GLIS3: variants seen among roughly 807,000 people sequenced by gnomAD.
The protein encoded by GLIS3 is GLIS family zinc finger 3, also known as zinc finger protein GLIS3.
In GLIS3, 53 loss-of-function variants were observed where a neutral mutation model predicts 78.6. The ratio of observed to expected loss-of-function variants is 0.67; its 90% CI spans 0.54 to 0.85. The LOEUF (loss-of-function observed/expected upper bound fraction) is 0.85. Among genes scored for constraint, GLIS3 ranks in the 40% least tolerant of loss-of-function variants. GLIS3 has a pLI of 0.00. For missense variants in GLIS3, 1,703 were observed against 1,231.1 expected, an observed-to-expected ratio of 1.38 and a Z score of -5.74; for synonymous variants, 684 against 509.9, an observed-to-expected ratio of 1.34 and a Z score of -4.60.
intron 4 of GLIS3, among the ~76,000 whole-genome samples, chr9:4,306,522 C>T (rs886474522): frequency 1.3e-5 from 2 of 152,206 alleles, no homozygotes; most frequent in African/African-American, 2.4e-5. Context: ...TACTGGTTAA[C>T]AAATGTTGCC....
At chr9:4,261,316 G>C (rs1825504758) in intron 2 of GLIS3, among the ~76,000 whole-genome samples, 1 of 152,108 alleles carries the variant, frequency 6.6e-6, no homozygotes, top group Non-Finnish European at 1.5e-5. Flanking sequence ...CGTGGGACTT[G>C]ATACTCTGCC....
chr9:4,139,476 A>T (rs966765501), intron 2 of GLIS3, among the ~76,000 whole-genome samples: 2 of 152,194 alleles, frequency 1.3e-5, no homozygotes, highest in Non-Finnish European at 2.9e-5. Flanking sequence ...ACAACTGTTG[A>T]TATGTCTCTA....
the GLIS3 span, among the ~76,000 whole-genome samples, chr9:4,353,553 G>C: frequency 1.3e-5 from 2 of 152,244 alleles, no homozygotes; most frequent in East Asian, 1.9e-4. Context: ...CTTGTGTGTT[G>C]ACAGCAAAAC....
chr9:3,892,611 C>T lies in GLIS3; in HGVS notation c.2128+6080G>A, dbSNP rs185306916. On this transcript the variant is annotated intron_variant, in intron 7 of 10. Transcript: ENST00000381971. The stretch of plus-strand genomic sequence containing the variant: ...TTTGCTATTCTTAAGATTTTCAGTA[C>T]CCATACAAGTATAAAAAAGATGAAA... 7.3e-4 allele frequency among the ~76,000 whole-genome samples: 111 copies of T among 152,174 alleles called. 1 individual carries two copies. Among genetic ancestry groups the T allele is most frequent in the Non-Finnish European group, 1.2e-3 (85 of 68,006 alleles).
chr9:4,442,201 T>G, the GLIS3 span, among the ~76,000 whole-genome samples: 2 of 152,236 alleles, frequency 1.3e-5, no homozygotes, highest in African/African-American at 4.8e-5. Context: ...GCCCAGGAAT[T>G]TATCTATTCC....
intron 2 of GLIS3, among the ~76,000 whole-genome samples, chr9:4,328,286 G>A (rs915922168): frequency 6.6e-6 from 1 of 152,134 alleles, no homozygotes; most frequent in Non-Finnish European, 1.5e-5. Context: ...ATCATGCTGT[G>A]GCCCCTGAAG....
chr9:4,338,848 T>C (rs1442247633), intron 2 of GLIS3, among the ~76,000 whole-genome samples: 1 of 152,122 alleles, frequency 6.6e-6, no homozygotes, highest in Admixed American at 6.5e-5. Context: ...CTTATTTAAT[T>C]GGTTTGGGGT....
intron 6 of GLIS3, among the ~76,000 whole-genome samples, chr9:3,919,744 G>C (rs2130723041): frequency 6.6e-6 from 1 of 152,018 alleles, no homozygotes; most frequent in African/African-American, 2.4e-5. Flanking sequence ...CAGTTACCAA[G>C]AAAGGGGCTT....
chr9:4,165,706 T>C (rs1448945609), intron 2 of GLIS3, among the ~76,000 whole-genome samples: 1 of 152,188 alleles, frequency 6.6e-6, no homozygotes, highest in Non-Finnish European at 1.5e-5. Flanking sequence ...ATGATGTGCC[T>C]ATGCAGATAT....
At chr9:4,272,901 A>G (rs1025131779) in intron 2 of GLIS3, among the ~76,000 whole-genome samples, 2 of 152,242 alleles carry the variant, frequency 1.3e-5, no homozygotes, top group Non-Finnish European at 2.9e-5. Flanking sequence ...AAGTCTTGAC[A>G]GTGTCCTAGT....
the GLIS3 span, among the ~76,000 whole-genome samples, chr9:4,407,721 G>A: frequency 3.6e-4 from 55 of 152,222 alleles, no homozygotes; most frequent in African/African-American, 1.3e-3. Flanking sequence ...AGAATTTATC[G>A]AGTAATACCC....
chr9:4,257,657 T>C (rs1022772195), intron 2 of GLIS3, among the ~76,000 whole-genome samples: 9 of 151,848 alleles, frequency 5.9e-5, no homozygotes, highest in Admixed American at 1.3e-4. Context: ...CACTGCAAGC[T>C]CCGCCTCCCG....
chr9:3,857,132 T>C (rs567041769), intron 8 of GLIS3, among the ~76,000 whole-genome samples: 2 of 152,256 alleles, frequency 1.3e-5, no homozygotes, highest in East Asian at 3.9e-4. Context: ...TGACAGAATA[T>C]AGGGGAGAAA....
chr9:3,915,709 G>T (rs888499538), intron 6 of GLIS3, among the ~76,000 whole-genome samples: 1 of 152,174 alleles, frequency 6.6e-6, no homozygotes, highest in South Asian at 2.1e-4. Context: ...CCCCTGGAAA[G>T]ATGCTATTAC....
At chr9:3,886,890 G>A (rs1292653475) in intron 7 of GLIS3, among the ~76,000 whole-genome samples, 3 of 152,188 alleles carry the variant, frequency 2.0e-5, no homozygotes, top group African/African-American at 7.2e-5. Flanking sequence ...TCTTAGCCTT[G>A]CTGCCAATGA....
At chr9:4,019,896 C>A (rs1171401673) in intron 4 of GLIS3, among the ~76,000 whole-genome samples, 1 of 151,994 alleles carries the variant, frequency 6.6e-6, no homozygotes, top group Non-Finnish European at 1.5e-5. Context: ...CAGGTGCATG[C>A]CACTTAAAAA....
intron 7 of GLIS3, among the ~76,000 whole-genome samples, chr9:3,894,372 A>AGACT (rs1822674231): frequency 1.3e-5 from 2 of 152,180 alleles, no homozygotes; most frequent in African/African-American, 4.8e-5. Flanking sequence ...TTCTGAGAAC[A>AGACT]GACTATATGA....
chr9:3,849,860 G>T (rs938957266), intron 9 of GLIS3, among the ~76,000 whole-genome samples: 1 of 151,880 alleles, frequency 6.6e-6, no homozygotes, highest in Non-Finnish European at 1.5e-5. Flanking sequence ...AGTGAACATA[G>T]ATTGCGCCAC....
chr9:3,894,658 C>A (rs1379242534), intron 7 of GLIS3, among the ~76,000 whole-genome samples: 1 of 151,902 alleles, frequency 6.6e-6, no homozygotes, highest in African/African-American at 2.4e-5. Flanking sequence ...TTCAAATAAT[C>A]CTGCTCCAAA....
Sources: gnomAD v4.1 joint callset for allele counts (sites outside exome capture counted in the v4.1 genomes callset) on GRCh38, gnomAD v4.1.1 for gene constraint, MANE v1.5 for transcripts, NCBI Gene and HGNC (gene_info 2026-07-23, HGNC 2026-07-21) for gene names.